The following B3GALT1 variants were observed in gnomAD, a reference collection of about 807,000 sequenced individuals.
B3GALT1 encodes beta-1,3-galactosyltransferase 1, also known as UDP-Gal:betaGlcNAc beta 1,3-galactosyltransferase, polypeptide 1.
A neutral mutation model predicts 23.2 loss-of-function variants in B3GALT1; 10 were observed. The observed-to-expected ratio is 0.43, with a 90% confidence interval of 0.27 to 0.73. The LOEUF (loss-of-function observed/expected upper bound fraction) is 0.73. B3GALT1 is among the 30% of genes least tolerant of loss of function. B3GALT1 has a pLI of 0.21. For synonymous variants in B3GALT1, 156 were observed against 141.5 expected, an observed-to-expected ratio of 1.10 and a Z score of -0.73; for missense variants, 299 against 405.4, an observed-to-expected ratio of 0.74 and a Z score of 2.25.
rs369504854 is a variant in B3GALT1, at chr2:167,593,624, T to C, written c.-409-53285T>C. Among the ~76,000 whole-genome samples, 11 of 151,864 alleles carry C rather than the reference T, an allele frequency of 7.2e-5. No homozygotes were observed. In the East Asian group the frequency reaches 1.5e-3, roughly 21 times the overall value. On this transcript the variant is annotated intron_variant, in intron 2 of 4. Coordinates refer to ENST00000392690, the MANE Select transcript of B3GALT1 (RefSeq NM_020981.4). ...GTGCTTATGAAATTTAAAATTATAA[T>C]AAATAAAATTACTGAGATAATATGG...
At chr2:167,628,281 A>G (rs1228975626) in intron 2 of B3GALT1, among the ~76,000 whole-genome samples, 1 of 151,646 alleles carries the variant, frequency 6.6e-6, no homozygotes, top group African/African-American at 2.4e-5. Context: ...GCCTTTGTGT[A>G]TCAGTATACA....
chr2:167,736,933 C>G (rs542899887), intron 3 of B3GALT1, among the ~76,000 whole-genome samples: 2 of 151,392 alleles, frequency 1.3e-5, no homozygotes, highest in Admixed American at 6.6e-5. Flanking sequence ...CTCTGTCCCC[C>G]CCTTCCCCCC....
intron 4 of B3GALT1, among the ~76,000 whole-genome samples, 98 bp downstream of exon 4, chr2:167,818,891 G>A (rs775990305): frequency 1.4e-4 from 22 of 152,188 alleles, no homozygotes; most frequent in Non-Finnish European, 1.9e-4. Context: ...AGAAATCAGC[G>A]TCTAAGGACT....
intron 1 of B3GALT1, among the ~76,000 whole-genome samples, chr2:167,411,730 G>A (rs1422800446): frequency 6.6e-6 from 1 of 152,088 alleles, no homozygotes; most frequent in African/African-American, 2.4e-5. Flanking sequence ...CTAAAAGAAA[G>A]GAAATTAGTA....
At chr2:167,825,759 CG>C (rs1171362651) in intron 4 of B3GALT1, among the ~76,000 whole-genome samples, 1 of 152,122 alleles carries the variant, frequency 6.6e-6, no homozygotes, top group East Asian at 1.9e-4. Context: ...GACTTTGTCT[CG>C]GGCTTGGGCA....
chr2:167,461,535 C>T (rs1385879868), intron 1 of B3GALT1, among the ~76,000 whole-genome samples: 1 of 152,042 alleles, frequency 6.6e-6, no homozygotes, highest in East Asian at 1.9e-4. Flanking sequence ...ACCTCTGTAC[C>T]TAGAGTCAAA....
At chr2:167,628,224 G>T (rs927046827) in intron 2 of B3GALT1, among the ~76,000 whole-genome samples, 1 of 151,376 alleles carries the variant, frequency 6.6e-6, no homozygotes, top group African/African-American at 2.4e-5. Context: ...CTATTGTTCC[G>T]TTGTGAATTG....
chr2:167,502,627 C>CT (rs1171851010), intron 2 of B3GALT1, among the ~76,000 whole-genome samples: 1 of 152,104 alleles, frequency 6.6e-6, no homozygotes, highest in Non-Finnish European at 1.5e-5. Flanking sequence ...GTGCCACACA[C>CT]TTTTAAACAA....
At chr2:167,586,854 A>G (rs1404955626) in intron 2 of B3GALT1, among the ~76,000 whole-genome samples, 1 of 152,218 alleles carries the variant, frequency 6.6e-6, no homozygotes, top group Non-Finnish European at 1.5e-5. Context: ...AAAAGAAACT[A>G]AAACTCAAGA....
chr2:167,491,050 T>G (rs536008574), intron 2 of B3GALT1, among the ~76,000 whole-genome samples: 1 of 152,228 alleles, frequency 6.6e-6, no homozygotes, highest in South Asian at 2.1e-4. Context: ...CTGGAGAAAT[T>G]TACACAAGAC....
At chr2:167,565,352 C>A (rs1215665167) in intron 2 of B3GALT1, among the ~76,000 whole-genome samples, 1 of 152,118 alleles carries the variant, frequency 6.6e-6, no homozygotes, top group Non-Finnish European at 1.5e-5. Flanking sequence ...ATGCAAAAAT[C>A]AATTCAAGAT....
At chr2:167,553,686 C>T (rs16853748) in intron 2 of B3GALT1, among the ~76,000 whole-genome samples, 2,850 of 152,160 alleles carry the variant, frequency 0.019, 75 homozygotes, top group African/African-American at 0.064. Context: ...GCTGTGTTTT[C>T]CCACCATGGT....
At chr2:167,639,377 G>A (rs1049368527) in intron 2 of B3GALT1, among the ~76,000 whole-genome samples, 1 of 151,864 alleles carries the variant, frequency 6.6e-6, no homozygotes, top group African/African-American at 2.4e-5. Flanking sequence ...TAATGAGTTT[G>A]TATTCTTAAT....
chr2:167,582,108 T>G (rs2105408360), intron 2 of B3GALT1, among the ~76,000 whole-genome samples: 1 of 151,928 alleles, frequency 6.6e-6, no homozygotes, highest in African/African-American at 2.4e-5. Flanking sequence ...ATCTCCCAGA[T>G]TATAGAAACT....
intron 3 of B3GALT1, among the ~76,000 whole-genome samples, chr2:167,667,643 T>C (rs370885405): frequency 6.6e-6 from 1 of 152,188 alleles, no homozygotes; most frequent in Non-Finnish European, 1.5e-5. Context: ...GGAGGCTTTG[T>C]TCATTTCTTT....
intron 3 of B3GALT1, among the ~76,000 whole-genome samples, chr2:167,795,529 C>A (rs1266234828): frequency 6.6e-6 from 1 of 152,186 alleles, no homozygotes; most frequent in Admixed American, 6.5e-5. Flanking sequence ...CCTCCCCAAA[C>A]CATTTTTTTT....
chr2:167,665,617 A>G (rs1395673329), intron 3 of B3GALT1, among the ~76,000 whole-genome samples: 1 of 151,700 alleles, frequency 6.6e-6, no homozygotes, highest in Non-Finnish European at 1.5e-5. Flanking sequence ...TTGGTAAGCT[A>G]TTGATTATTG....
At position 167,459,048 on chromosome 2, in the gene B3GALT1, T is replaced by G. The variant is rs181976026; in HGVS notation, c.-510-31129T>G. On this transcript the variant is annotated intron_variant, in intron 1 of 4. Coordinates refer to ENST00000392690, the MANE Select transcript of B3GALT1 (RefSeq NM_020981.4). Reference sequence around the variant, plus strand: ...ATCTGTAGACAGAATGTAGTTGGATTTTATGTTTTCATTTATTCAGCTAAT... The same window carrying G: ...ATCTGTAGACAGAATGTAGTTGGATGTTATGTTTTCATTTATTCAGCTAAT... Among the ~76,000 whole-genome samples, 289 of 152,296 alleles carry G rather than the reference T, an allele frequency of 1.9e-3. 1 individual carries two copies. Among genetic ancestry groups the G allele is most frequent in the African/African-American group, 6.9e-3 (285 of 41,590 alleles).
chr2:167,452,863 G>T (rs1432315074), intron 1 of B3GALT1, among the ~76,000 whole-genome samples: 1 of 152,154 alleles, frequency 6.6e-6, no homozygotes, highest in Non-Finnish European at 1.5e-5. Context: ...TTAACCCTGG[G>T]TGCCATGAGA....
Sources: gnomAD v4.1 joint callset for allele counts (sites outside exome capture counted in the v4.1 genomes callset) on GRCh38, gnomAD v4.1.1 for gene constraint, MANE v1.5 for transcripts, NCBI Gene and HGNC (gene_info 2026-07-23, HGNC 2026-07-21) for gene names.